Variants in FAT3 observed in about 807,000 individuals in gnomAD.
FAT3 encodes the protein FAT atypical cadherin 3, also known as protocadherin Fat 3.
Under a neutral mutation model 310.2 loss-of-function variants are expected in FAT3, and 95 were observed. The observed-to-expected ratio is 0.31, with a 90% CI of 0.26 to 0.36. FAT3 has a LOEUF of 0.36. Among genes scored for constraint, FAT3 ranks in the 10% least tolerant of loss-of-function variants. The pLI is 1.00. For missense variants in FAT3, 5,408 were observed against 5,715.6 expected (o/e 0.95, Z 1.74); for synonymous variants, 2,314 against 2,192.9 (o/e 1.06, Z -1.54).
intron 20 of FAT3, 80 bp downstream of exon 20, chr11:92,857,428 G>A: frequency 6.3e-7 from 1 of 1,576,570 alleles, no homozygotes; most frequent in African/African-American, 1.4e-5. Context: ...CACCATCCAA[G>A]TCCTCCCAGA....
Position 92,628,940 on chromosome 11 carries a change from T to G in FAT3, c.3608-68444T>G, listed in dbSNP as rs576210725. 2.6e-5 allele frequency among the ~76,000 whole-genome samples: 4 copies of G among 151,554 alleles called. No homozygotes were observed. In the East Asian group the frequency reaches 7.7e-4, roughly 29 times the overall value. ...CACACACACTGCAGGACTTCTTCCT[T>G]GAAATGACCCTATCACAGACTTTTT... On this transcript the variant is annotated intron_variant, in intron 3 of 27. Coordinates refer to ENST00000525166, the MANE Select transcript of FAT3 (RefSeq NM_001367949.2).
At chr11:92,857,114 T>G in intron 19 of FAT3, 100 bp from the exon 20 acceptor site, 42 of 1,564,998 alleles carry the variant, frequency 2.7e-5, no homozygotes, top group Non-Finnish European at 3.3e-5. Flanking sequence ...TCCCAGCTCT[T>G]GAGCCATTTG....
intron 3 of FAT3, among the ~76,000 whole-genome samples, chr11:92,535,448 C>T (rs1049606647): frequency 6.6e-6 from 1 of 152,176 alleles, no homozygotes; most frequent in Non-Finnish European, 1.5e-5. Flanking sequence ...TTGGTTACAG[C>T]AGCCCTAGGA....
chr11:92,373,588 T>C (rs539101159), intron 2 of FAT3, among the ~76,000 whole-genome samples: 1 of 152,278 alleles, frequency 6.6e-6, no homozygotes, highest in East Asian at 1.9e-4. Flanking sequence ...CAATATGTAT[T>C]ATATATTATG....
chr11:92,628,896 GCACA>G (rs1241022276), intron 3 of FAT3, among the ~76,000 whole-genome samples: 4 of 151,882 alleles, frequency 2.6e-5, no homozygotes, highest in Admixed American at 6.6e-5. Flanking sequence ...GTGCACTCAT[GCACA>G]CACACACACT....
rs144464823 is a variant in FAT3, at chr11:92,549,325, G to T, written c.3607+24377G>T. Among the ~76,000 whole-genome samples the T allele has an allele frequency of 1.9e-3, 285 of 152,262 alleles. 2 individuals carry two copies. Among genetic ancestry groups the T allele is most frequent in the African/African-American group, 6.6e-3 (273 of 41,546 alleles). On this transcript the variant is annotated intron_variant, in intron 3 of 27. Coordinates refer to ENST00000525166, the MANE Select transcript of FAT3 (RefSeq NM_001367949.2). ...GTAGATTACAATATTTCAAGCCAAG[G>T]TTCCCATTCAAACTGTTTTCTGCTG...
chr11:92,717,608 T>C (rs967601921), intron 4 of FAT3, among the ~76,000 whole-genome samples: 1 of 152,232 alleles, frequency 6.6e-6, no homozygotes, highest in Non-Finnish European at 1.5e-5. Flanking sequence ...TGTATGAACA[T>C]ATATGGAAGA....
rs1166258067 is a variant in FAT3, at chr11:92,880,885, G to A, written c.12281+1G>A. 1 of 1,613,024 alleles carries A rather than the reference G, an allele frequency of 6.2e-7. No individual in the cohort carries two copies. The highest frequency in any genetic ancestry group is 8.5e-7 in the Non-Finnish European group (1 of 1,179,396). ...GTAAAGCTGGGCTCACTGGAGTCAC[G>A]TAAGTGAGATTACATAAGTGTCTTT... On this transcript the variant is annotated splice_donor_variant, in intron 23 of 27. Coordinates refer to ENST00000525166, the MANE Select transcript of FAT3 (RefSeq NM_001367949.2). LOFTEE classifies it high-confidence loss of function.
At chr11:92,795,940 A>C (rs1294824152) in intron 9 of FAT3, among the ~76,000 whole-genome samples, 1 of 152,046 alleles carries the variant, frequency 6.6e-6, no homozygotes, top group African/African-American at 2.4e-5. Flanking sequence ...TTGAGGTCAA[A>C]AGCTGGCTCC....
At chr11:92,439,782 C>T (rs188021187) in intron 2 of FAT3, among the ~76,000 whole-genome samples, 3 of 151,982 alleles carry the variant, frequency 2.0e-5, no homozygotes, top group East Asian at 1.9e-4. Context: ...ATTAGCCAGG[C>T]GTTTGTGCCT....
At chr11:92,805,374 CT>C in intron 11 of FAT3, 25 bp downstream of exon 11, 1 of 1,585,534 alleles carries the variant, frequency 6.3e-7, no homozygotes. Flanking sequence ...TAGGGTTCTG[CT>C]TTTACTCTGC....
intron 1 of FAT3, among the ~76,000 whole-genome samples, chr11:92,314,660 C>T (rs995868695): frequency 2.0e-5 from 3 of 152,120 alleles, no homozygotes; most frequent in Admixed American, 1.3e-4. Flanking sequence ...ACTTGCCTTC[C>T]AGAACTTTGC....
At chr11:92,887,174 T>C (rs1357718341) in intron 25 of FAT3, 61 bp downstream of exon 25, 3 of 1,430,486 alleles carry the variant, frequency 2.1e-6, no homozygotes, top group South Asian at 1.2e-5. Flanking sequence ...TGGAAGACCA[T>C]GGTTGGGAGG....
chr11:92,456,108 T>C (rs1464093002), intron 2 of FAT3, among the ~76,000 whole-genome samples: 1 of 152,186 alleles, frequency 6.6e-6, no homozygotes, highest in Non-Finnish European at 1.5e-5. Flanking sequence ...ATTTTGGCTT[T>C]ACTACTTCTT....
intron 4 of FAT3, among the ~76,000 whole-genome samples, chr11:92,704,562 T>A (rs1591628000): frequency 6.6e-6 from 1 of 152,254 alleles, no homozygotes; most frequent in Non-Finnish European, 1.5e-5. Flanking sequence ...TAATCCAATA[T>A]GGCTGACTAA....
chr11:92,429,807 C>G (rs973250777), intron 2 of FAT3, among the ~76,000 whole-genome samples: 7 of 152,148 alleles, frequency 4.6e-5, no homozygotes, highest in Admixed American at 4.6e-4. Context: ...CTGCCCTTAA[C>G]ATTTTTTCCT....
intron 1 of FAT3, among the ~76,000 whole-genome samples, chr11:92,298,525 AG>A (rs1314187909): frequency 1.3e-5 from 2 of 152,156 alleles, no homozygotes; most frequent in East Asian, 3.9e-4. Context: ...ATCATTATGA[AG>A]TAACAATAAT....
At chr11:92,757,829 G>C (rs780097509) in intron 4 of FAT3, among the ~76,000 whole-genome samples, 10 of 152,202 alleles carry the variant, frequency 6.6e-5, no homozygotes, top group Non-Finnish European at 1.2e-4. Context: ...AGACAGACAT[G>C]GGAATAAATC....
intron 2 of FAT3, among the ~76,000 whole-genome samples, chr11:92,412,477 C>T (rs980808778): frequency 2.2e-5 from 3 of 138,558 alleles, no homozygotes; most frequent in Non-Finnish European, 4.6e-5. Context: ...ACCTGTTACC[C>T]TTCAACTCAT....
Sources: gnomAD v4.1 joint callset for allele counts (sites outside exome capture counted in the v4.1 genomes callset) on GRCh38, gnomAD v4.1.1 for gene constraint, MANE v1.5 for transcripts, NCBI Gene and HGNC (gene_info 2026-07-23, HGNC 2026-07-21) for gene names.